Variants in TMEM156 observed in about 807,000 individuals in gnomAD.
The protein encoded by TMEM156 is transmembrane protein 156.
TMEM156 carries 28 observed loss-of-function variants against 30.5 expected under a neutral mutation model. The observed-to-expected ratio is 0.92, with a 90% CI of 0.68 to 1.26. TMEM156 has a LOEUF of 1.26. Ranked by LOEUF, TMEM156 falls within the 50% of genes most tolerant of loss-of-function variation. TMEM156 has a pLI of 0.00. For missense variants in TMEM156, 351 were observed against 340.6 expected, an observed-to-expected ratio of 1.03 and a Z score of -0.24; for synonymous variants, 137 against 119.9, an observed-to-expected ratio of 1.14 and a Z score of -0.93.
At chr4:39,028,928 A>C (rs563091364) in intron 1 of TMEM156, among the ~76,000 whole-genome samples, 1 of 152,240 alleles carries the variant, frequency 6.6e-6, no homozygotes, top group African/African-American at 2.4e-5. Context: ...ATGCAAACCC[A>C]TTAAAAGTCT....
At chr4:39,000,629 G>A (rs565760170) in intron 1 of TMEM156, among the ~76,000 whole-genome samples, 6 of 152,314 alleles carry the variant, frequency 3.9e-5, no homozygotes, top group East Asian at 3.9e-4. Context: ...GCTCATGCCT[G>A]TAATCCCAGC....
intron 1 of TMEM156, among the ~76,000 whole-genome samples, chr4:39,012,941 GA>G (rs112921196): frequency 5.7e-4 from 78 of 135,716 alleles, no homozygotes; most frequent in African/African-American, 4.8e-4. Flanking sequence ...CTGTGTCTCA[GA>G]AAAAAAAAAA....
chr4:39,031,656 T>A (rs1715508440), intron 1 of TMEM156, among the ~76,000 whole-genome samples: 1 of 151,626 alleles, frequency 6.6e-6, no homozygotes, highest in African/African-American at 2.4e-5. Context: ...GAGGCCGAGG[T>A]GGGTGGATCA....
At chr4:38,986,020 A>C (rs543517788) in intron 5 of TMEM156, among the ~76,000 whole-genome samples, 1 of 152,234 alleles carries the variant, frequency 6.6e-6, no homozygotes, top group African/African-American at 2.4e-5. Context: ...AATTCTGGGG[A>C]ATAATGGTAT....
chr4:38,990,750 C>G (rs13113569), intron 3 of TMEM156, among the ~76,000 whole-genome samples: 95,781 of 151,150 alleles, frequency 0.63, 30,325 homozygotes, highest in East Asian at 0.71. Flanking sequence ...AGTTTGACCC[C>G]CTGATGGAGA....
At chr4:38,971,837 T>C (rs909916283) in intron 5 of TMEM156, among the ~76,000 whole-genome samples, 2 of 152,242 alleles carry the variant, frequency 1.3e-5, no homozygotes, top group Admixed American at 1.3e-4. Flanking sequence ...TTGCCCAGCC[T>C]AGAGTGCAAT....
intron 1 of TMEM156, among the ~76,000 whole-genome samples, chr4:38,999,119 T>TA (rs58604414): frequency 0.099 from 12,321 of 124,374 alleles, 602 homozygotes; most frequent in Middle Eastern, 0.17. Flanking sequence ...TATTTTTTTT[T>TA]TTTTTTTTTT....
At chr4:39,023,251 C>A (rs1002756251) in intron 1 of TMEM156, among the ~76,000 whole-genome samples, 13 of 152,330 alleles carry the variant, frequency 8.5e-5, no homozygotes, top group South Asian at 6.2e-4. Context: ...ACTGTGAAGG[C>A]TGTTGTTTAC....
intron 1 of TMEM156, among the ~76,000 whole-genome samples, chr4:39,003,739 A>C (rs1373910677): frequency 2.0e-5 from 3 of 152,200 alleles, no homozygotes; most frequent in Non-Finnish European, 4.4e-5. Context: ...TATCTTTTTT[A>C]ATATCACTAA....
intron 5 of TMEM156, among the ~76,000 whole-genome samples, chr4:38,977,412 C>G (rs114317425): frequency 1.3e-5 from 2 of 152,254 alleles, no homozygotes; most frequent in Non-Finnish European, 2.9e-5. Flanking sequence ...TAAAGTAATT[C>G]TCTAGTGGGG....
intron 1 of TMEM156, among the ~76,000 whole-genome samples, chr4:39,020,773 C>T (rs981476493): frequency 2.0e-5 from 3 of 152,106 alleles, no homozygotes; most frequent in Non-Finnish European, 4.4e-5. Context: ...TGGTCTCGAT[C>T]TCTTGACCTC....
chr4:38,979,010 G>A lies in TMEM156; in HGVS notation c.823+7326C>T, dbSNP rs183891382. ...TTTCCTGTGATTTGACTTCCCACACGGATCTGTCTTGGGAGAGAAAATGCA... is the reference window on the plus strand; with the variant it reads ...TTTCCTGTGATTTGACTTCCCACACAGATCTGTCTTGGGAGAGAAAATGCA... On this transcript the variant is annotated intron_variant, in intron 5 of 6. Coordinates refer to ENST00000381938, the MANE Select transcript of TMEM156 (RefSeq NM_024943.3). 4.5e-3 allele frequency among the ~76,000 whole-genome samples: 688 copies of A among 152,286 alleles called. 4 individuals carry two copies. The highest frequency in any genetic ancestry group is 7.8e-3 in the Non-Finnish European group (530 of 68,026).
At chr4:38,971,253 T>C in intron 5 of TMEM156, 116 bp from the exon 6 acceptor site, 1 of 956,208 alleles carries the variant, frequency 1.0e-6, no homozygotes, top group South Asian at 1.6e-5. Flanking sequence ...AGAAAGGATT[T>C]TGGGACTTTC....
chr4:38,993,368 G>A (rs1222125320), intron 3 of TMEM156, among the ~76,000 whole-genome samples: 1 of 151,840 alleles, frequency 6.6e-6, no homozygotes. Context: ...GGAAGTCAAG[G>A]CTGCAGTGAG....
chr4:38,970,074 G>A (rs1722523407), intron 6 of TMEM156, among the ~76,000 whole-genome samples: 1 of 152,126 alleles, frequency 6.6e-6, no homozygotes, highest in Non-Finnish European at 1.5e-5. Context: ...GGTGACCCCA[G>A]GCTATAGTGT....
At chr4:39,013,132 C>T (rs1003246939) in intron 1 of TMEM156, among the ~76,000 whole-genome samples, 35 of 151,294 alleles carry the variant, frequency 2.3e-4, no homozygotes, top group Non-Finnish European at 4.4e-4. Flanking sequence ...GACCTCGTCT[C>T]TATAAAAAAA....
At chr4:39,032,039 C>T (rs1560391631) in intron 1 of TMEM156, among the ~76,000 whole-genome samples, 187 bp downstream of exon 1, 1 of 152,050 alleles carries the variant, frequency 6.6e-6, no homozygotes, top group African/African-American at 2.4e-5. Context: ...TAATTAAGTA[C>T]TATGAATTAG....
intron 5 of TMEM156, among the ~76,000 whole-genome samples, chr4:38,980,285 C>G (rs1723114889): frequency 6.6e-6 from 1 of 151,744 alleles, no homozygotes; most frequent in South Asian, 2.1e-4. Flanking sequence ...CTTTAATACT[C>G]CAAAGGATAA....
chr4:38,986,612 G>A (rs1712005105), intron 4 of TMEM156, among the ~76,000 whole-genome samples, 193 bp from the exon 5 acceptor site: 1 of 151,608 alleles, frequency 6.6e-6, no homozygotes, highest in Non-Finnish European at 1.5e-5. Context: ...TTCGAACCCA[G>A]CCTGGCCAAT....
Sources: gnomAD v4.1 joint callset for allele counts (sites outside exome capture counted in the v4.1 genomes callset) on GRCh38, gnomAD v4.1.1 for gene constraint, MANE v1.5 for transcripts, NCBI Gene and HGNC (gene_info 2026-07-23, HGNC 2026-07-21) for gene names.